The following ZNF565 variants were observed in gnomAD, a reference collection of about 807,000 sequenced individuals.
ZNF565 encodes the protein zinc finger protein 565.
In ZNF565, 27 loss-of-function variants were observed where a neutral mutation model predicts 39.4. That is an observed-to-expected ratio of 0.69 (90% confidence interval 0.51 to 0.95). The LOEUF is 0.95. Ranked by LOEUF, ZNF565 falls within the 40% of genes least tolerant of loss-of-function variation. The pLI is 0.00. For missense variants in ZNF565, 524 were observed against 621.1 expected (o/e 0.84, Z 1.66); for synonymous variants, 185 against 216.6 (o/e 0.85, Z 1.28).
chr19:36,183,238 C>A lies in ZNF565; in HGVS notation c.728G>T (p.Arg243Ile). Residue 243 changes from arginine to isoleucine, a missense_variant, in exon 5 of 5, where the codon AGA (arginine) becomes ATA (isoleucine). Coordinates refer to ENST00000304116, the MANE Select transcript of ZNF565 (RefSeq NM_152477.5). ...GRTSELILHQ[R>I]LHTGVKPYEC... ...ATAAGGTTTGACACCAGTATGAAGT[C>A]TCTGATGTAGAATAAGTTCTGATGT... The A allele has an allele frequency of 6.2e-7, 1 of 1,614,162 alleles. No homozygotes were observed. Among genetic ancestry groups the A allele is most frequent in the South Asian group, 1.1e-5 (1 of 91,080 alleles).
At chr19:36,235,735 A>G (rs1472897895) in intron 1 of ZNF565, 1 of 152,256 alleles carries the variant, frequency 6.6e-6, no homozygotes, top group Non-Finnish European at 1.5e-5. Flanking sequence ...AGGCATGTTG[A>G]TCCATCTCCA....
At chr19:36,201,893 G>A (rs1376245378) in intron 2 of ZNF565, 84 bp downstream of exon 2, 11 of 1,504,414 alleles carry the variant, frequency 7.3e-6, no homozygotes, top group Non-Finnish European at 1.0e-5. Flanking sequence ...AGGATACAGG[G>A]AAGTTCCAGG....
chr19:36,187,800 G>C (rs1267084038), intron 4 of ZNF565, among the ~76,000 whole-genome samples: 2 of 151,612 alleles, frequency 1.3e-5, no homozygotes, highest in African/African-American at 4.8e-5. Context: ...ACCACGCCTG[G>C]CTGATTTTTT....
chr19:36,235,675 T>A (rs1234798936), intron 1 of ZNF565: 2 of 152,194 alleles, frequency 1.3e-5, no homozygotes, highest in African/African-American at 4.8e-5. Context: ...CCTGAGAAGA[T>A]GATGCACAGA....
At chr19:36,211,876 T>C (rs1976373469) in intron 1 of ZNF565, among the ~76,000 whole-genome samples, 1 of 151,146 alleles carries the variant, frequency 6.6e-6, no homozygotes, top group Non-Finnish European at 1.5e-5. Flanking sequence ...ATTTGACAAA[T>C]AGCTGGTAAC....
intron 4 of ZNF565, among the ~76,000 whole-genome samples, chr19:36,193,038 C>T (rs1456510822): frequency 1.3e-5 from 2 of 152,092 alleles, no homozygotes; most frequent in Non-Finnish European, 2.9e-5. Flanking sequence ...CTCTGTCGCC[C>T]AGGCTGGAGT....
intron 1 of ZNF565, among the ~76,000 whole-genome samples, chr19:36,243,774 T>C (rs1332668635): frequency 6.6e-6 from 1 of 151,494 alleles, no homozygotes; most frequent in Non-Finnish European, 1.5e-5. Context: ...CGATCTTGGC[T>C]CAGTGCAGCC....
chr19:36,191,308 T>C (rs1164596610), intron 4 of ZNF565, among the ~76,000 whole-genome samples: 1 of 149,996 alleles, frequency 6.7e-6, no homozygotes, highest in Non-Finnish European at 1.5e-5. Context: ...CCTACCATTT[T>C]TCTTTCTTTT....
intron 4 of ZNF565, among the ~76,000 whole-genome samples, chr19:36,192,866 G>C (rs928299610): frequency 6.6e-6 from 1 of 151,996 alleles, no homozygotes. Context: ...GCTCAGGCTG[G>C]AGTGCAATGG....
intron 2 of ZNF565, among the ~76,000 whole-genome samples, chr19:36,195,580 T>C (rs1975726905): frequency 7.4e-6 from 1 of 136,020 alleles, no homozygotes; most frequent in Admixed American, 7.7e-5. Flanking sequence ...GTTTTGCTCT[T>C]GTTGCCCAGG....
chr19:36,243,751 G>A (rs1041135705), intron 1 of ZNF565, among the ~76,000 whole-genome samples: 1 of 152,006 alleles, frequency 6.6e-6, no homozygotes, highest in African/African-American at 2.4e-5. Flanking sequence ...CCAGGCTGGG[G>A]GTGGGGGTGG....
chr19:36,218,474 TC>T (rs1467685416), upstream of ZNF565, among the ~76,000 whole-genome samples: 1 of 151,452 alleles, frequency 6.6e-6, no homozygotes, highest in African/African-American at 2.4e-5. Context: ...TATTAATATT[TC>T]TTTTTTTTTT....
At chr19:36,190,692 A>G (rs1975502017) in intron 4 of ZNF565, among the ~76,000 whole-genome samples, 1 of 151,492 alleles carries the variant, frequency 6.6e-6, no homozygotes, top group South Asian at 2.1e-4. Flanking sequence ...TTGGAAGTGA[A>G]AGTGGGAAGG....
intron 1 of ZNF565, among the ~76,000 whole-genome samples, chr19:36,222,695 C>T (rs1425760139): frequency 6.7e-6 from 1 of 149,422 alleles, no homozygotes; most frequent in East Asian, 1.9e-4. Flanking sequence ...ATATCCTTTT[C>T]ACCATTTTTC....
At chr19:36,220,489 C>T (rs868108675) in intron 1 of ZNF565, among the ~76,000 whole-genome samples, 3 of 151,934 alleles carry the variant, frequency 2.0e-5, no homozygotes, top group African/African-American at 7.3e-5. Flanking sequence ...TTCAGCCTCC[C>T]GAGTAGCTGG....
At chr19:36,242,021 T>C (rs1410705901) in intron 1 of ZNF565, among the ~76,000 whole-genome samples, 1 of 152,212 alleles carries the variant, frequency 6.6e-6, no homozygotes, top group African/African-American at 2.4e-5. Context: ...ACAACAAAAG[T>C]AGATAAATTG....
intron 2 of ZNF565, among the ~76,000 whole-genome samples, chr19:36,201,675 A>G (rs1975969865): frequency 6.6e-6 from 1 of 152,008 alleles, no homozygotes; most frequent in Non-Finnish European, 1.5e-5. Flanking sequence ...GGGTTTCACC[A>G]TGTTGTCCAG....
At position 36,182,842 on chromosome 19, in the gene ZNF565, T is replaced by A; in HGVS notation, c.1124A>T (p.His375Leu). Residue 375 changes from histidine to leucine, a missense_variant, in exon 5 of 5, where the codon CAC (histidine) becomes CTC (leucine). His to Leu is a moderately conservative substitution (Grantham distance 99). Transcript: ENST00000304116. ...CKECGKAFRQ[H>L]AQLTRHQRVH... ...TCTCTGATGTCGTGTGAGCTGTGCG[T>A]GCTGTCTGAAGGCCTTCCCACATTC... 1 of 1,613,966 alleles carries A rather than the reference T, an allele frequency of 6.2e-7. No homozygotes were observed. The highest frequency in any genetic ancestry group is 8.5e-7 in the Non-Finnish European group (1 of 1,180,000).
Position 36,202,035 on chromosome 19 carries a change from G to A in ZNF565, c.-50C>T. Reference sequence around the variant, plus strand: ...TCTGATTTCTCTGGATTCTTCTCTTGGACAAGTGCAGAGTCCTGAAAAAGC... The same window carrying A: ...TCTGATTTCTCTGGATTCTTCTCTTAGACAAGTGCAGAGTCCTGAAAAAGC... On this transcript the variant is annotated 5_prime_UTR_variant, in exon 2 of 5. Transcript: ENST00000304116. 1.2e-6 allele frequency: 2 copies of A among 1,612,924 alleles called. No individual in the cohort carries two copies. Among genetic ancestry groups the A allele is most frequent in the Admixed American group, 1.7e-5 (1 of 60,004 alleles).
Sources: gnomAD v4.1 joint callset for allele counts (sites outside exome capture counted in the v4.1 genomes callset) on GRCh38, gnomAD v4.1.1 for gene constraint, MANE v1.5 for transcripts, NCBI Gene and HGNC (gene_info 2026-07-23, HGNC 2026-07-21) for gene names.